AKAP6: variants seen among roughly 807,000 people sequenced by gnomAD.
AKAP6 encodes A-kinase anchor protein 6.
In AKAP6, 58 loss-of-function variants were observed where a neutral mutation model predicts 188.5. The ratio of observed to expected loss-of-function variants is 0.31; its 90% CI spans 0.25 to 0.38. AKAP6 has a LOEUF of 0.38. Among genes scored for constraint, AKAP6 ranks in the 10% least tolerant of loss-of-function variants. AKAP6 has a pLI of 1.00. For synonymous variants in AKAP6, 989 were observed against 998.6 expected, an observed-to-expected ratio of 0.99 and a Z score of 0.18; for missense variants, 2,710 against 2,740.0, an observed-to-expected ratio of 0.99 and a Z score of 0.24.
At chr14:32,335,842 C>CTTT (rs375076849) in intron 1 of AKAP6, among the ~76,000 whole-genome samples, 36 of 93,986 alleles carry the variant, frequency 3.8e-4, no homozygotes, top group Admixed American at 6.1e-4. Context: ...TCCTTTTCTC[C>CTTT]TTTTTTTTTT....
At chr14:32,525,095 AC>A (rs1882053439) in intron 2 of AKAP6, among the ~76,000 whole-genome samples, 1 of 152,186 alleles carries the variant, frequency 6.6e-6, no homozygotes, top group South Asian at 2.1e-4. Flanking sequence ...GAGAGTCAAG[AC>A]CACAGCCATG....
intron 1 of AKAP6, among the ~76,000 whole-genome samples, chr14:32,400,852 G>A (rs1889067327): frequency 1.3e-5 from 2 of 152,118 alleles, no homozygotes; most frequent in Non-Finnish European, 2.9e-5. Context: ...CTAATAGTTT[G>A]CATTTTTCTC....
chr14:32,675,272 G>A (rs922549491), intron 7 of AKAP6, among the ~76,000 whole-genome samples: 1 of 152,176 alleles, frequency 6.6e-6, no homozygotes, highest in African/African-American at 2.4e-5. Context: ...TAGAAGGGAA[G>A]AGGGGATTCC....
intron 2 of AKAP6, among the ~76,000 whole-genome samples, chr14:32,449,523 A>C (rs920175113): frequency 0.098 from 3,562 of 36,400 alleles, 25 homozygotes; most frequent in East Asian, 0.15. Context: ...CTCCATCTCA[A>C]AAAAAAAAAA....
chr14:32,462,919 A>G (rs201541290), intron 2 of AKAP6, among the ~76,000 whole-genome samples: 3 of 135,016 alleles, frequency 2.2e-5, no homozygotes, highest in East Asian at 4.2e-4. Context: ...AAAAAAAAAA[A>G]AAAAAAACCC....
At chr14:32,593,450 G>A (rs1001526526) in intron 5 of AKAP6, among the ~76,000 whole-genome samples, 7 of 152,158 alleles carry the variant, frequency 4.6e-5, no homozygotes, top group Admixed American at 2.0e-4. Flanking sequence ...TACAAGAAAT[G>A]TTGCAGACTC....
At position 32,776,290 on chromosome 14, in the gene AKAP6, G is replaced by T. The variant is rs867572576; in HGVS notation, c.3588+2397G>T. Among the ~76,000 whole-genome samples the T allele has an allele frequency of 1.8e-4, 27 of 152,196 alleles. No homozygotes were observed. In the East Asian group the frequency reaches 4.6e-3, roughly 26 times the overall value. On this transcript the variant is annotated intron_variant, in intron 12 of 13. Coordinates refer to ENST00000280979, the MANE Select transcript of AKAP6 (RefSeq NM_004274.5). ...GAGTGGGAGATAATTGAATCATGGG[G>T]GTGGTTTCCCCCATACTGTTCTCAT...
At chr14:32,482,973 CTGTG>C (rs141150013) in intron 2 of AKAP6, among the ~76,000 whole-genome samples, 2,614 of 145,440 alleles carry the variant, frequency 0.018, 73 homozygotes, top group African/African-American at 0.06. Flanking sequence ...GTGTGTGTGT[CTGTG>C]TGTGTGTGTG....
chr14:32,329,933 A>G (rs1301103366), intron 1 of AKAP6, among the ~76,000 whole-genome samples: 1 of 152,164 alleles, frequency 6.6e-6, no homozygotes, highest in Non-Finnish European at 1.5e-5. Flanking sequence ...TCTCTTGCAT[A>G]TTCAAGACAG....
At chr14:32,490,003 A>G (rs547252006) in intron 2 of AKAP6, among the ~76,000 whole-genome samples, 15 of 152,228 alleles carry the variant, frequency 9.9e-5, no homozygotes, top group African/African-American at 3.4e-4. Flanking sequence ...GTTAGGAGCA[A>G]TGTTTTTCGG....
chr14:32,821,976 G>C lies in AKAP6; in HGVS notation c.4163G>C (p.Gly1388Ala), dbSNP rs181846524. ...ATGTGCTTGCTCAATGCAGTGGATG[G>C]GTCCCCAAGTAACCTTGAAACTGAA... ...SEMCLLNAVD[G>A]SPSNLETEHL... Residue 1388 changes from glycine to alanine, a missense_variant, in exon 13 of 14, where the codon GGG becomes GCG. Gly to Ala is a moderately conservative substitution (Grantham distance 60, BLOSUM62 0). Transcript: ENST00000280979. 5 of 1,613,822 alleles carry C rather than the reference G, an allele frequency of 3.1e-6. No homozygotes were observed. The Admixed American group carries it at 5.0e-5, about 16-fold the overall frequency.
At chr14:32,391,566 T>C (rs546198878) in intron 1 of AKAP6, among the ~76,000 whole-genome samples, 1 of 152,324 alleles carries the variant, frequency 6.6e-6, no homozygotes, top group African/African-American at 2.4e-5. Context: ...AGCTCTGTGG[T>C]CCACCTGGAC....
intron 2 of AKAP6, among the ~76,000 whole-genome samples, chr14:32,497,340 G>A (rs1290468806): frequency 1.3e-5 from 2 of 152,064 alleles, no homozygotes; most frequent in Admixed American, 6.6e-5. Context: ...CATTTAAAAT[G>A]CTTTCTCATT....
In AKAP6 at chr14:32,437,519, C is replaced by A. The variant is rs893074641; in HGVS notation, c.324+3702C>A. 3.9e-4 allele frequency among the ~76,000 whole-genome samples: 60 copies of A among 152,066 alleles called. 1 individual carries two copies. Among genetic ancestry groups the A allele is most frequent in the African/African-American group, 8.0e-4 (33 of 41,494 alleles). On this transcript the variant is annotated intron_variant, in intron 2 of 13. Transcript: ENST00000280979. ...GCTCTTTAATTAAATGTCCTTTTTT[C>A]AAATAAGCCATTCCTGATCCCTCTT...
chr14:32,428,221 A>G (rs938546079), intron 1 of AKAP6, among the ~76,000 whole-genome samples: 4 of 152,054 alleles, frequency 2.6e-5, no homozygotes, highest in Non-Finnish European at 4.4e-5. Context: ...CGCTCTGTCC[A>G]CCCAAAGACT....
intron 12 of AKAP6, among the ~76,000 whole-genome samples, chr14:32,815,017 C>A (rs569766015): frequency 6.6e-6 from 1 of 152,310 alleles, no homozygotes; most frequent in South Asian, 2.1e-4. Context: ...GAAGAAAACC[C>A]CTGCTTCCCA....
At chr14:32,695,142 T>C (rs1365177707) in intron 8 of AKAP6, among the ~76,000 whole-genome samples, 1 of 152,234 alleles carries the variant, frequency 6.6e-6, no homozygotes, top group Non-Finnish European at 1.5e-5. Context: ...TTGAAAACCA[T>C]AGTGATCCTC....
At chr14:32,638,123 G>C (rs1442022039) in intron 7 of AKAP6, among the ~76,000 whole-genome samples, 2 of 152,074 alleles carry the variant, frequency 1.3e-5, no homozygotes, top group Non-Finnish European at 2.9e-5. Flanking sequence ...TGAGTGGAGA[G>C]AGGAAGACCG....
intron 1 of AKAP6, among the ~76,000 whole-genome samples, chr14:32,423,069 T>C (rs1889905191): frequency 6.6e-6 from 1 of 152,214 alleles, no homozygotes; most frequent in South Asian, 2.1e-4. Flanking sequence ...AAAACTTTTT[T>C]CAGTAGTGTT....
Sources: gnomAD v4.1 joint callset for allele counts (sites outside exome capture counted in the v4.1 genomes callset) on GRCh38, gnomAD v4.1.1 for gene constraint, MANE v1.5 for transcripts, NCBI Gene and HGNC (gene_info 2026-07-23, HGNC 2026-07-21) for gene names.